The following CACHD1 variants were observed in gnomAD, a reference collection of about 807,000 sequenced individuals.
CACHD1 encodes the protein cache domain containing 1.
In CACHD1, 71 loss-of-function variants were observed where a neutral mutation model predicts 138.7. That is an observed-to-expected ratio of 0.51 (90% CI 0.42 to 0.62). The LOEUF (loss-of-function observed/expected upper bound fraction) is 0.62. CACHD1 is among the 20% of genes least tolerant of loss of function. The pLI is 0.00. For missense variants in CACHD1, 1,389 were observed against 1,625.3 expected (o/e 0.85, Z 2.50); for synonymous variants, 578 against 591.5 (o/e 0.98, Z 0.33).
chr1:64,577,204 C>T (rs562816804), intron 2 of CACHD1, among the ~76,000 whole-genome samples: 1 of 152,240 alleles, frequency 6.6e-6, no homozygotes, highest in South Asian at 2.1e-4. Context: ...CCTCAGCCTC[C>T]CAAAGTGTTG....
chr1:64,652,104 T>C, intron 9 of CACHD1, 57 bp from the exon 10 acceptor site: 16 of 1,465,520 alleles, frequency 1.1e-5, no homozygotes, highest in Non-Finnish European at 1.5e-5. Flanking sequence ...ACAGTTCCAG[T>C]CTTTGTCCAA....
chr1:64,590,360 A>G (rs546463466), intron 3 of CACHD1, among the ~76,000 whole-genome samples: 4 of 151,828 alleles, frequency 2.6e-5, no homozygotes, highest in Non-Finnish European at 5.9e-5. Context: ...TGCTCATGTA[A>G]CTGAGCTGCC....
At chr1:64,634,022 T>G (rs1648410851) in intron 6 of CACHD1, 22 bp from the exon 7 acceptor site, 4 of 1,565,720 alleles carry the variant, frequency 2.6e-6, no homozygotes, top group African/African-American at 1.4e-5. Context: ...TTGGTGGTTT[T>G]TTTTTTTTTT....
chr1:64,504,718 C>T (rs890445722), intron 1 of CACHD1, among the ~76,000 whole-genome samples: 4 of 152,162 alleles, frequency 2.6e-5, no homozygotes, highest in Non-Finnish European at 5.9e-5. Flanking sequence ...TCATGGGCAA[C>T]GTACCTGTTG....
chr1:64,639,247 A>G (rs572354000), intron 7 of CACHD1, among the ~76,000 whole-genome samples: 2 of 152,204 alleles, frequency 1.3e-5, no homozygotes, highest in Admixed American at 6.5e-5. Flanking sequence ...ATCTATGTAT[A>G]TATGTTCCCT....
chr1:64,647,097 T>C (rs1648932484), intron 8 of CACHD1, among the ~76,000 whole-genome samples: 1 of 152,180 alleles, frequency 6.6e-6, no homozygotes, highest in Admixed American at 6.5e-5. Flanking sequence ...AAATTTACTT[T>C]TGTGCTATAA....
At position 64,643,751 on chromosome 1, in the gene CACHD1, A is replaced by T. The variant is rs187637895; in HGVS notation, c.1156+1782A>T. 3.7e-3 allele frequency among the ~76,000 whole-genome samples: 565 copies of T among 152,246 alleles called. 1 individual carries two copies. The highest frequency in any genetic ancestry group is 0.013 in the African/African-American group (534 of 41,552). On this transcript the variant is annotated intron_variant, in intron 8 of 26. Transcript: ENST00000651257. Reference sequence around the variant, plus strand: ...TACTCGGGAAGCTGAGGCAGGAGAAAGGCTAGAACCCGGGAGGCGGAGCTT... The same window carrying T: ...TACTCGGGAAGCTGAGGCAGGAGAATGGCTAGAACCCGGGAGGCGGAGCTT...
At chr1:64,518,737 G>A (rs1255437181) in intron 1 of CACHD1, among the ~76,000 whole-genome samples, 1 of 152,166 alleles carries the variant, frequency 6.6e-6, no homozygotes. Context: ...TCCAAATGAT[G>A]GGAATCACTT....
At chr1:64,546,862 C>A (rs1280421161) in intron 1 of CACHD1, among the ~76,000 whole-genome samples, 1 of 152,028 alleles carries the variant, frequency 6.6e-6, no homozygotes, top group Non-Finnish European at 1.5e-5. Context: ...AAACCTTTGT[C>A]TGGGATTCTT....
intron 3 of CACHD1, among the ~76,000 whole-genome samples, chr1:64,585,966 A>C (rs1271755641): frequency 1.3e-5 from 2 of 152,050 alleles, no homozygotes; most frequent in Non-Finnish European, 2.9e-5. Context: ...AAGGGTACAA[A>C]TTCTCAGCTA....
At chr1:64,544,990 C>A (rs1646707730) in intron 1 of CACHD1, among the ~76,000 whole-genome samples, 1 of 152,154 alleles carries the variant, frequency 6.6e-6, no homozygotes, top group Non-Finnish European at 1.5e-5. Context: ...GAGACCTTAT[C>A]TGTGAATTGC....
At chr1:64,659,979 T>C (rs1410625144) in intron 13 of CACHD1, among the ~76,000 whole-genome samples, 2 of 152,202 alleles carry the variant, frequency 1.3e-5, no homozygotes, top group East Asian at 3.9e-4. Flanking sequence ...CTAAGTGGTC[T>C]CTTCTGGGAT....
At chr1:64,641,041 T>C (rs1395689425) in intron 7 of CACHD1, among the ~76,000 whole-genome samples, 2 of 152,108 alleles carry the variant, frequency 1.3e-5, no homozygotes, top group East Asian at 3.9e-4. Flanking sequence ...TGTTTTCATT[T>C]TGTGTGTGTG....
rs1004791882 is a variant in CACHD1, at chr1:64,470,731, T to G, written c.-14T>G. 5.5e-6 allele frequency: 3 copies of G among 545,118 alleles called. No individual in the cohort carries two copies. Among genetic ancestry groups the G allele is most frequent in the Non-Finnish European group, 9.1e-6 (3 of 330,422 alleles). 33.8% of individuals were successfully genotyped at this position (545,118 alleles called of 1,614,324 possible). On this transcript the variant is annotated 5_prime_UTR_variant, in exon 1 of 27. Coordinates refer to ENST00000651257, the MANE Select transcript of CACHD1 (RefSeq NM_020925.4). The surrounding 1 kb of genome is among the most constrained non-coding windows in gnomAD (Gnocchi z 5.2). The stretch of plus-strand genomic sequence containing the variant: ...GCGCCCGGAGCCCGTCGGCGGGGAG[T>G]GGGGGGAGGCAGCATGGCCCGCCAG...
chr1:64,594,761 G>A (rs1471347303), intron 3 of CACHD1, among the ~76,000 whole-genome samples: 6 of 152,164 alleles, frequency 3.9e-5, no homozygotes, highest in Non-Finnish European at 8.8e-5. Context: ...GATCTCTGTA[G>A]AAAACTGCCT....
intron 1 of CACHD1, among the ~76,000 whole-genome samples, chr1:64,527,651 A>G (rs1347990567): frequency 6.6e-6 from 1 of 152,254 alleles, no homozygotes; most frequent in Admixed American, 6.5e-5. Flanking sequence ...ATTATAGTTT[A>G]AAACCAATTT....
rs1557555761 is a variant in CACHD1, at chr1:64,681,545, T to TGG, written c.3484+210_3484+211insGG. The stretch of plus-strand genomic sequence containing the variant: ...AATCTCAAAAGATTTTATTGTGTTT[T>TGG]TTTTTTTTTTTTTTTTTTTGCATTA... On this transcript the variant is annotated intron_variant, in intron 25 of 26. Transcript: ENST00000651257. Among the ~76,000 whole-genome samples the TGG allele has an allele frequency of 8.9e-3, 1,007 of 113,720 alleles. 23 individuals are homozygous for TGG. Among genetic ancestry groups the TGG allele is most frequent in the African/African-American group, 0.026 (946 of 35,812 alleles). 74.6% of individuals were successfully genotyped at this position (113,720 alleles called of 152,430 possible). A position where few individuals can be genotyped will look rare whatever the true frequency, so the allele number is the denominator to read the frequency against.
chr1:64,635,764 C>T (rs1648504177), intron 7 of CACHD1, among the ~76,000 whole-genome samples: 1 of 152,074 alleles, frequency 6.6e-6, no homozygotes, highest in Non-Finnish European at 1.5e-5. Flanking sequence ...AAATGGGGCT[C>T]ATGCTTTGAA....
At chr1:64,561,084 A>T (rs576044204) in intron 2 of CACHD1, among the ~76,000 whole-genome samples, 15 of 151,824 alleles carry the variant, frequency 9.9e-5, no homozygotes, top group South Asian at 4.2e-4. Flanking sequence ...GTTTTTTTTT[A>T]AATCTATTCT....
Sources: allele counts gnomAD v4.1 joint callset (sites outside exome capture counted in the v4.1 genomes callset), GRCh38; gene constraint gnomAD v4.1.1; non-coding constraint Gnocchi (gnomAD v3.1); transcripts MANE v1.5; gene names NCBI Gene and HGNC (gene_info 2026-07-23, HGNC 2026-07-21).